MBOAT2: variants seen among roughly 807,000 people sequenced by gnomAD.
MBOAT2 encodes membrane-bound glycerophospholipid O-acyltransferase 2.
A neutral mutation model predicts 63.4 loss-of-function variants in MBOAT2; 28 were observed. That is an observed-to-expected ratio of 0.44 (90% CI 0.33 to 0.61). The LOEUF is 0.61. Ranked by LOEUF, MBOAT2 falls within the 20% of genes least tolerant of loss-of-function variation. The pLI, the probability that MBOAT2 is intolerant of heterozygous loss-of-function variation, is 0.03. For synonymous variants in MBOAT2, 211 were observed against 215.6 expected (o/e 0.98, Z 0.19); for missense variants, 470 against 605.8 (o/e 0.78, Z 2.35).
At chr2:8,882,193 C>T (rs1377344788) in intron 6 of MBOAT2, among the ~76,000 whole-genome samples, 1 of 152,206 alleles carries the variant, frequency 6.6e-6, no homozygotes, top group South Asian at 2.1e-4. Context: ...TACTACATGG[C>T]AGACATGAAG....
At chr2:8,918,897 G>A (rs1413083829) in intron 3 of MBOAT2, among the ~76,000 whole-genome samples, 3 of 152,174 alleles carry the variant, frequency 2.0e-5, no homozygotes, top group African/African-American at 7.2e-5. Flanking sequence ...TTCCCTTGTG[G>A]TTACTTGCAG....
chr2:8,969,857 C>A (rs1478572237), intron 1 of MBOAT2, among the ~76,000 whole-genome samples: 14 of 152,168 alleles, frequency 9.2e-5, no homozygotes, highest in African/African-American at 3.4e-4. Context: ...CAGGAGCACC[C>A]AGATTCATAA....
chr2:8,865,286 A>G (rs1344278539), intron 9 of MBOAT2, among the ~76,000 whole-genome samples: 2 of 152,064 alleles, frequency 1.3e-5, no homozygotes, highest in African/African-American at 4.8e-5. Flanking sequence ...CTCTGGTCCT[A>G]TCACCTCCTT....
At chr2:8,942,698 G>C (rs1319431965) in intron 3 of MBOAT2, among the ~76,000 whole-genome samples, 1 of 152,110 alleles carries the variant, frequency 6.6e-6, no homozygotes, top group African/African-American at 2.4e-5. Flanking sequence ...TACTCCTCAA[G>C]CTGGAAACAC....
At chr2:8,972,100 C>G (rs1221690571) in intron 1 of MBOAT2, among the ~76,000 whole-genome samples, 1 of 152,204 alleles carries the variant, frequency 6.6e-6, no homozygotes, top group Non-Finnish European at 1.5e-5. Flanking sequence ...AGGCATCACG[C>G]TACCTGACTT....
chr2:8,930,435 T>C (rs1667235762), intron 3 of MBOAT2, among the ~76,000 whole-genome samples: 3 of 152,130 alleles, frequency 2.0e-5, no homozygotes, highest in Admixed American at 2.0e-4. Context: ...CTGCATAGTA[T>C]TCCATGGTGT....
At chr2:8,913,465 G>A (rs760772857) in intron 3 of MBOAT2, among the ~76,000 whole-genome samples, 6 of 150,162 alleles carry the variant, frequency 4.0e-5, no homozygotes, top group South Asian at 2.2e-4. Context: ...AATCTACAAC[G>A]AACTCAATCA....
intron 4 of MBOAT2, among the ~76,000 whole-genome samples, chr2:8,907,242 G>A (rs1665404509): frequency 6.6e-6 from 1 of 152,046 alleles, no homozygotes; most frequent in Non-Finnish European, 1.5e-5. Context: ...CATTTGTGTT[G>A]TCTGTTACTT....
intron 1 of MBOAT2, among the ~76,000 whole-genome samples, chr2:8,971,955 T>C (rs1326951495): frequency 1.3e-5 from 2 of 152,198 alleles, no homozygotes; most frequent in Admixed American, 6.5e-5. Context: ...AGGTAATTTA[T>C]AGATTCAATG....
At chr2:8,982,843 A>G (rs1253536309) in intron 1 of MBOAT2, among the ~76,000 whole-genome samples, 3 of 152,182 alleles carry the variant, frequency 2.0e-5, no homozygotes, top group Non-Finnish European at 4.4e-5. Context: ...TCATCAGAAC[A>G]CAAACCACTC....
In MBOAT2 at chr2:8,986,350, C is replaced by A. The variant is rs553774151; in HGVS notation, c.75+17190G>T. 3.3e-5 allele frequency among the ~76,000 whole-genome samples: 5 copies of A among 151,998 alleles called. No homozygotes were observed. The East Asian group carries it at 9.7e-4, about 29-fold the overall frequency. ...CAGCACTTTGGGAGGCTGAGGCAGG[C>A]TGATCACTTGCGAGACCAGCCTGGG... On this transcript the variant is annotated intron_variant, in intron 1 of 12. Transcript: ENST00000305997.
intron 3 of MBOAT2, among the ~76,000 whole-genome samples, chr2:8,911,706 C>T (rs940320018): frequency 2.0e-5 from 3 of 152,118 alleles, no homozygotes; most frequent in East Asian, 1.9e-4. Flanking sequence ...TCTCTGGCCA[C>T]GTGGTCTCTG....
At chr2:8,999,222 T>C (rs142255978) in intron 1 of MBOAT2, among the ~76,000 whole-genome samples, 27 of 152,340 alleles carry the variant, frequency 1.8e-4, no homozygotes, top group African/African-American at 6.3e-4. Flanking sequence ...AATGACTTTA[T>C]ACAGGCCAGC....
At chr2:8,955,472 T>C (rs1355042862) in intron 2 of MBOAT2, among the ~76,000 whole-genome samples, 1 of 152,178 alleles carries the variant, frequency 6.6e-6, no homozygotes, top group Non-Finnish European at 1.5e-5. Context: ...TTGCCAGCAT[T>C]CTCTTCAGGA....
chr2:8,915,596 T>C (rs1414750047), intron 3 of MBOAT2, among the ~76,000 whole-genome samples: 1 of 152,230 alleles, frequency 6.6e-6, no homozygotes, highest in Non-Finnish European at 1.5e-5. Context: ...CTTTTGTTGC[T>C]ATCTTGTCTT....
intron 2 of MBOAT2, among the ~76,000 whole-genome samples, chr2:8,947,005 G>A (rs905294158): frequency 6.6e-6 from 1 of 152,216 alleles, no homozygotes; most frequent in African/African-American, 2.4e-5. Context: ...AGCCAAGACA[G>A]GCTGAAAGCT....
At chr2:8,900,751 T>G (rs911340361) in intron 4 of MBOAT2, among the ~76,000 whole-genome samples, 1 of 152,298 alleles carries the variant, frequency 6.6e-6, no homozygotes, top group East Asian at 1.9e-4. Context: ...TCTCCTTCAA[T>G]GAAAAGAAAG....
intron 12 of MBOAT2, 113 bp from the exon 13 acceptor site, chr2:8,859,017 T>C: frequency 2.7e-6 from 2 of 740,732 alleles, no homozygotes; most frequent in South Asian, 1.9e-5. Flanking sequence ...GTTTACTACA[T>C]TACTACATTA....
At chr2:8,876,356 T>C (rs1662699058) in intron 7 of MBOAT2, among the ~76,000 whole-genome samples, 1 of 152,212 alleles carries the variant, frequency 6.6e-6, no homozygotes, top group Non-Finnish European at 1.5e-5. Flanking sequence ...GTTTCCTCAA[T>C]GGTGAGAAAA....
Sources: allele counts gnomAD v4.1 joint callset (sites outside exome capture counted in the v4.1 genomes callset), GRCh38; gene constraint gnomAD v4.1.1; transcripts MANE v1.5; gene names NCBI Gene and HGNC (gene_info 2026-07-23, HGNC 2026-07-21).